The following WIPF1 variants were observed in gnomAD, a reference collection of about 807,000 sequenced individuals.
WIPF1 encodes the protein WAS/WASL-interacting protein family member 1.
In WIPF1, 13 loss-of-function variants were observed where a neutral mutation model predicts 35.4. The observed-to-expected ratio is 0.37, with a 90% confidence interval of 0.24 to 0.58. The LOEUF (loss-of-function observed/expected upper bound fraction) is 0.58, where lower values mean the gene tolerates loss of function less well. Ranked by LOEUF, WIPF1 falls within the 20% of genes least tolerant of loss-of-function variation. The pLI is 0.74. For missense variants in WIPF1, 591 were observed against 667.0 expected (o/e 0.89, Z 1.25); for synonymous variants, 267 against 266.3 (o/e 1.00, Z -0.02).
At position 174,571,944 on chromosome 2, in the gene WIPF1, A is replaced by G. The variant is rs1684867769; in HGVS notation, c.861T>C (p.Pro287=). The G allele has an allele frequency of 6.3e-7, 1 of 1,581,424 alleles. No homozygotes were observed. The highest frequency in any genetic ancestry group is 1.7e-4 in the Middle Eastern group (1 of 5,840). ...IHREAVPPPP[P]QNNKPPVPST... Reference sequence around the variant, plus strand: ...AAGGCACTGGAGGCTTGTTGTTCTGAGGAGGAGGAGGGGGAACCGCTTCCC... The same window carrying G: ...AAGGCACTGGAGGCTTGTTGTTCTGGGGAGGAGGAGGGGGAACCGCTTCCC... The change falls in exon 5 of 8, where the codon CCT becomes CCC. Residue 287 remains proline, a synonymous_variant. Transcript: ENST00000679041. This position sits in a 1 kb window ranked among gnomAD's most constrained non-coding sequence, Gnocchi z 4.6.
chr2:174,589,609 T>G (rs1036785769), intron 1 of WIPF1, among the ~76,000 whole-genome samples: 10 of 150,460 alleles, frequency 6.6e-5, no homozygotes, highest in African/African-American at 2.4e-4. Flanking sequence ...TGGATAGAAT[T>G]CAAGGGTTCA....
chr2:174,602,316 C>T (rs1686034635), upstream of WIPF1, among the ~76,000 whole-genome samples: 1 of 152,162 alleles, frequency 6.6e-6, no homozygotes, highest in Non-Finnish European at 1.5e-5. Context: ...TGCCGTGGCC[C>T]CCAGTCAACA....
At chr2:174,566,557 A>G (rs1476492974) in intron 7 of WIPF1, 2 of 152,392 alleles carry the variant, frequency 1.3e-5, no homozygotes, top group Admixed American at 6.5e-5. Flanking sequence ...ACAGAATTAT[A>G]TGGATAAAAA....
chr2:174,641,633 A>G (rs1394992510), intron 1 of WIPF1, among the ~76,000 whole-genome samples: 1 of 152,196 alleles, frequency 6.6e-6, no homozygotes, highest in African/African-American at 2.4e-5. Context: ...CTTTTCATCC[A>G]GGTAGGCAGA....
At chr2:174,603,340 A>G (rs1686063249) in intron 1 of WIPF1, among the ~76,000 whole-genome samples, 1 of 152,202 alleles carries the variant, frequency 6.6e-6, no homozygotes, top group African/African-American at 2.4e-5. Flanking sequence ...AAAGACTCTT[A>G]AGTGATAAAG....
upstream of WIPF1, among the ~76,000 whole-genome samples, chr2:174,600,888 G>A (rs1381266668): frequency 1.5e-5 from 2 of 133,924 alleles, no homozygotes; most frequent in Non-Finnish European, 1.6e-5. Context: ...TGTTTCTTAC[G>A]AATTCTACTA....
At position 174,562,752 on chromosome 2, in the gene WIPF1, G is replaced by C. The variant is rs540262322; in HGVS notation, c.1457-150C>G. On this transcript the variant is annotated intron_variant, in intron 7 of 7. Coordinates refer to ENST00000679041, the MANE Select transcript of WIPF1 (RefSeq NM_001375834.1). ...GGCGTATGTTGTGGATGAGAAGTGA[G>C]AGGTGAAAACAAGCAAGTAATGTTC... The C allele has an allele frequency of 9.4e-5, 98 of 1,040,122 alleles. No homozygotes were observed. In the East Asian group the frequency reaches 2.5e-3, roughly 27 times the overall value. The allele number at this position is 1,040,122 out of a possible 1,614,324, so 64.4% of individuals were successfully genotyped here. A position where few individuals can be genotyped will look rare whatever the true frequency, so the allele number is the denominator to read the frequency against.
intron 1 of WIPF1, chr2:174,677,165 TCATCTTATATA>T: frequency 6.7e-6 from 1 of 148,574 alleles, no homozygotes; most frequent in East Asian, 1.9e-4. Flanking sequence ...AAAAAAAAAG[TCATCTTATATA>T]CATCACTTAT....
At chr2:174,656,324 A>G (rs1687640356) in intron 1 of WIPF1, 1 of 152,242 alleles carries the variant, frequency 6.6e-6, no homozygotes, top group Non-Finnish European at 1.5e-5. Flanking sequence ...TTACATAGCA[A>G]TATGTAACTG....
intron 1 of WIPF1, among the ~76,000 whole-genome samples, chr2:174,642,650 T>TTTG (rs984685715): frequency 8.0e-5 from 11 of 138,312 alleles, no homozygotes; most frequent in Non-Finnish European, 1.3e-4. Context: ...CCCGGCCTTT[T>TTTG]TTGTTGTTGT....
intron 2 of WIPF1, 108 bp downstream of exon 2, chr2:174,585,415 C>T (rs776646163): frequency 1.5e-5 from 17 of 1,159,952 alleles, no homozygotes; most frequent in Middle Eastern, 2.2e-4. Context: ...TGTTGTATCA[C>T]ATGTGAGCCA....
At chr2:174,645,681 T>G (rs1486167871) in intron 1 of WIPF1, among the ~76,000 whole-genome samples, 1 of 152,196 alleles carries the variant, frequency 6.6e-6, no homozygotes, top group East Asian at 1.9e-4. Flanking sequence ...GTTGATACCA[T>G]TGTGATGTGA....
At chr2:174,680,807 A>G (rs1688230510) in intron 1 of WIPF1, among the ~76,000 whole-genome samples, 1 of 152,168 alleles carries the variant, frequency 6.6e-6, no homozygotes, top group Non-Finnish European at 1.5e-5. Context: ...ACTGCATGGT[A>G]TCTGGATGGC....
At chr2:174,582,552 C>G (rs1685275125) in intron 2 of WIPF1, among the ~76,000 whole-genome samples, 1 of 152,188 alleles carries the variant, frequency 6.6e-6, no homozygotes, top group Admixed American at 6.5e-5. Flanking sequence ...CTTTAAAAAA[C>G]AATTTTTTTT....
At chr2:174,645,082 T>C (rs1429446771) in intron 1 of WIPF1, among the ~76,000 whole-genome samples, 1 of 152,180 alleles carries the variant, frequency 6.6e-6, no homozygotes, top group Non-Finnish European at 1.5e-5. Context: ...TGTCAGTCAC[T>C]CGATTTACTG....
At chr2:174,585,498 A>T in intron 2 of WIPF1, 25 bp downstream of exon 2, 1 of 1,521,216 alleles carries the variant, frequency 6.6e-7, no homozygotes, top group Non-Finnish European at 8.9e-7. Flanking sequence ...TATGCATAGA[A>T]AGTGTTTGGG....
intron 1 of WIPF1, among the ~76,000 whole-genome samples, chr2:174,657,910 CAAAAAAAAAAAAAAA>C (rs56717056): frequency 3.1e-5 from 3 of 96,048 alleles, no homozygotes; most frequent in African/African-American, 4.2e-5. Context: ...AACTCTGTCT[CAAAAAAAAAAAAAAA>C]AAAAAAAAAG....
intron 1 of WIPF1, among the ~76,000 whole-genome samples, chr2:174,648,869 T>C (rs1173566340): frequency 6.6e-6 from 1 of 152,254 alleles, no homozygotes; most frequent in Admixed American, 6.5e-5. Flanking sequence ...CCCTTGTCAT[T>C]AATGACAGAC....
intron 2 of WIPF1, among the ~76,000 whole-genome samples, chr2:174,585,178 T>C (rs1050388741): frequency 1.3e-5 from 2 of 152,290 alleles, no homozygotes; most frequent in African/African-American, 4.8e-5. Context: ...AGGCCAGACA[T>C]TGAGTTCATC....
Sources: gnomAD v4.1 joint callset for allele counts (sites outside exome capture counted in the v4.1 genomes callset) on GRCh38, gnomAD v4.1.1 for gene constraint, Gnocchi (gnomAD v3.1) non-coding constraint, MANE v1.5 for transcripts, NCBI Gene and HGNC (gene_info 2026-07-23, HGNC 2026-07-21) for gene names.